Variants in FBXO11 observed in about 807,000 individuals in gnomAD.
FBXO11 encodes the protein F-box only protein 11.
FBXO11 carries 13 observed loss-of-function variants against 117.0 expected under a neutral mutation model. The observed-to-expected ratio is 0.11, with a 90% CI of 0.07 to 0.18. The LOEUF is 0.18. Among genes scored for constraint, FBXO11 ranks in the 10% least tolerant of loss-of-function variants. The pLI, the probability that FBXO11 is intolerant of heterozygous loss-of-function variation, is 1.00. For missense variants in FBXO11, 767 were observed against 1,164.4 expected (o/e 0.66, Z 4.97); for synonymous variants, 490 against 380.5 (o/e 1.29, Z -3.35).
chr2:47,809,108 A>T (rs779642023), intron 21 of FBXO11, 50 bp downstream of exon 21: 2 of 1,198,680 alleles, frequency 1.7e-6, no homozygotes, highest in South Asian at 2.7e-5. Context: ...CTAATTTAAA[A>T]AGGAAATCAG....
chr2:47,825,189 T>A (rs1042959855), intron 11 of FBXO11, among the ~76,000 whole-genome samples: 13 of 152,190 alleles, frequency 8.5e-5, no homozygotes, highest in Admixed American at 2.6e-4. Flanking sequence ...CCTCCAAGAA[T>A]AACATACAAA....
intron 1 of FBXO11, among the ~76,000 whole-genome samples, chr2:47,844,443 TC>T (rs773034173): frequency 1.3e-5 from 2 of 152,220 alleles, no homozygotes; most frequent in East Asian, 3.9e-4. Context: ...ATATATCCTA[TC>T]CCCATATGTG....
intron 1 of FBXO11, among the ~76,000 whole-genome samples, chr2:47,903,539 CA>C (rs1678483708): frequency 6.6e-6 from 1 of 152,146 alleles, no homozygotes; most frequent in African/African-American, 2.4e-5. Context: ...TAATTTTGAA[CA>C]AATGAATAAA....
intron 1 of FBXO11, among the ~76,000 whole-genome samples, chr2:47,866,534 C>G (rs369078022): frequency 2.7e-5 from 4 of 150,888 alleles, no homozygotes; most frequent in Admixed American, 1.3e-4. Context: ...AGTACAGTGG[C>G]GTGATCTAAG....
chr2:47,877,721 GT>G (rs1197650652), intron 1 of FBXO11, among the ~76,000 whole-genome samples: 1 of 152,154 alleles, frequency 6.6e-6, no homozygotes, highest in African/African-American at 2.4e-5. Context: ...GTCTCGCTTT[GT>G]CGCCCAGGCT....
chr2:47,827,592 C>G (rs187387006), intron 11 of FBXO11, among the ~76,000 whole-genome samples: 5 of 152,268 alleles, frequency 3.3e-5, no homozygotes, highest in Admixed American at 1.3e-4. Context: ...TAGGCATGAG[C>G]CACTGAACCC....
chr2:47,808,742 G>A (rs924757913), intron 21 of FBXO11: 9 of 313,856 alleles, frequency 2.9e-5, no homozygotes, highest in Non-Finnish European at 4.7e-5. Context: ...CACAGTGACT[G>A]GGATATATCA....
chr2:47,853,357 A>G (rs1230462838), intron 1 of FBXO11, among the ~76,000 whole-genome samples: 1 of 152,154 alleles, frequency 6.6e-6, no homozygotes, highest in Non-Finnish European at 1.5e-5. Context: ...GGCATGAGCC[A>G]CCGTGCCTGG....
intron 1 of FBXO11, chr2:47,865,969 G>A (rs954160216): frequency 1.3e-5 from 2 of 152,116 alleles, no homozygotes; most frequent in Admixed American, 6.6e-5. Flanking sequence ...CATTAGCTGG[G>A]GTCAGGTACA....
At chr2:47,843,428 A>T (rs1374610003) in intron 1 of FBXO11, among the ~76,000 whole-genome samples, 1 of 149,578 alleles carries the variant, frequency 6.7e-6, no homozygotes, top group Non-Finnish European at 1.5e-5. Flanking sequence ...ATTTGTAGTT[A>T]ATCTTTTTTT....
intron 1 of FBXO11, among the ~76,000 whole-genome samples, chr2:47,858,816 G>A (rs748064555): frequency 8.8e-4 from 134 of 151,630 alleles, no homozygotes; most frequent in African/African-American, 2.8e-3. Context: ...AGGCCAAGAC[G>A]GTTGGATCAC....
intron 1 of FBXO11, among the ~76,000 whole-genome samples, chr2:47,903,588 T>C (rs1678487960): frequency 6.6e-6 from 1 of 152,180 alleles, no homozygotes; most frequent in South Asian, 2.1e-4. Context: ...AAGTTCGAAA[T>C]TACACACAAA....
chr2:47,903,117 C>T (rs577022206), intron 1 of FBXO11, among the ~76,000 whole-genome samples: 8 of 152,148 alleles, frequency 5.3e-5, no homozygotes, highest in Admixed American at 1.3e-4. Flanking sequence ...TTATATGAAT[C>T]GGACATTTAA....
At chr2:47,902,088 G>A (rs1451178057) in intron 1 of FBXO11, among the ~76,000 whole-genome samples, 2 of 151,826 alleles carry the variant, frequency 1.3e-5, no homozygotes, top group Non-Finnish European at 2.9e-5. Context: ...GGCGTGAGCC[G>A]CCATGCCTGG....
chr2:47,861,447 T>G (rs1674768340), intron 1 of FBXO11, among the ~76,000 whole-genome samples: 1 of 151,868 alleles, frequency 6.6e-6, no homozygotes, highest in African/African-American at 2.4e-5. Context: ...GCCTCCCAAG[T>G]AGCTGAGCCC....
Position 47,835,560 on chromosome 2 carries a change from G to A in FBXO11, c.717+312C>T, listed in dbSNP as rs1672491739. Among the ~76,000 whole-genome samples the A allele has an allele frequency of 3.3e-5, 5 of 152,006 alleles. No individual in the cohort carries two copies. In the South Asian group the frequency reaches 1.0e-3, roughly 32 times the overall value. ...GTCGCCCAGGCTGGAGTGCAGCAGTGCAATGTCAGCTCTCTGCAACTCTGC... is the reference window on the plus strand; with the variant it reads ...GTCGCCCAGGCTGGAGTGCAGCAGTACAATGTCAGCTCTCTGCAACTCTGC... On this transcript the variant is annotated intron_variant, in intron 5 of 22. Coordinates refer to ENST00000403359, the MANE Select transcript of FBXO11 (RefSeq NM_001190274.2).
At chr2:47,834,766 T>C (rs747156104) in intron 6 of FBXO11, 22 bp downstream of exon 6, 4 of 1,608,724 alleles carry the variant, frequency 2.5e-6, no homozygotes, top group East Asian at 2.2e-5. Context: ...TTTTAAGTCA[T>C]AAAAATAAAA....
chr2:47,810,615 G>C, intron 18 of FBXO11, 189 bp from the exon 19 acceptor site: 1 of 491,268 alleles, frequency 2.0e-6, no homozygotes, highest in Non-Finnish European at 3.6e-6. Context: ...TTGCTACAAT[G>C]ACAGGTAAGA....
intron 4 of FBXO11, among the ~76,000 whole-genome samples, chr2:47,837,645 T>C (rs1022286592): frequency 6.6e-6 from 1 of 152,248 alleles, no homozygotes; most frequent in African/African-American, 2.4e-5. Flanking sequence ...ATATTAACTA[T>C]TAACAGTCTG....
Sources: gnomAD v4.1 joint callset for allele counts (sites outside exome capture counted in the v4.1 genomes callset) on GRCh38, gnomAD v4.1.1 for gene constraint, MANE v1.5 for transcripts, NCBI Gene and HGNC (gene_info 2026-07-23, HGNC 2026-07-21) for gene names.